The following CREB1 variants were observed in gnomAD, a reference collection of about 807,000 sequenced individuals.
The protein encoded by CREB1 is cyclic AMP-responsive element-binding protein 1.
Under a neutral mutation model 42.0 loss-of-function variants are expected in CREB1, and 2 were observed. The observed-to-expected ratio is 0.05, with a 90% CI of 0.02 to 0.15. The LOEUF (loss-of-function observed/expected upper bound fraction) is 0.15, where lower values mean the gene tolerates loss of function less well. Ranked by LOEUF, CREB1 falls within the 10% of genes least tolerant of loss-of-function variation. The probability of loss-of-function intolerance (pLI) is 1.00; values close to 1 mark genes in which losing one functional copy is unlikely to be tolerated. For synonymous variants in CREB1, 123 were observed against 139.9 expected, an observed-to-expected ratio of 0.88 and a Z score of 0.85; for missense variants, 199 against 388.9, an observed-to-expected ratio of 0.51 and a Z score of 4.11.
In CREB1 at chr2:207,600,801, C is replaced by A. The variant is rs2086914140; in HGVS notation, c.*3743C>A. ...TCTCTCAGGATAAATCCCTGTAGGA[C>A]AAATCCCTACTATCATTTCTACCTT... On this transcript the variant is annotated 3_prime_UTR_variant, in exon 8 of 8. Transcript: ENST00000353267. 1 of 209,412 alleles carries A rather than the reference C, an allele frequency of 4.8e-6. No individual in the cohort carries two copies. The highest frequency in any genetic ancestry group is 1.9e-4 in the South Asian group (1 of 5,322). 13.0% of individuals were successfully genotyped at this position (209,412 alleles called of 1,614,324 possible).
intron 1 of CREB1, among the ~76,000 whole-genome samples, chr2:207,553,599 G>A (rs1209172438): frequency 6.6e-6 from 1 of 152,156 alleles, no homozygotes; most frequent in Non-Finnish European, 1.5e-5. Flanking sequence ...ATATAAAAAA[G>A]TATCTGGTGT....
At chr2:207,585,602 G>A (rs1231415855) in intron 7 of CREB1, among the ~76,000 whole-genome samples, 3 of 152,158 alleles carry the variant, frequency 2.0e-5, no homozygotes, top group East Asian at 3.8e-4. Flanking sequence ...TCAATAAAAT[G>A]CCTGAAAAGG....
At chr2:207,537,053 T>TTTG (rs79835550) in intron 1 of CREB1, among the ~76,000 whole-genome samples, 12 of 151,526 alleles carry the variant, frequency 7.9e-5, no homozygotes, top group African/African-American at 2.2e-4. Context: ...TACAAAGTGC[T>TTTG]TTGTTGTTGT....
chr2:207,560,741 C>T (rs1258464023), intron 3 of CREB1, among the ~76,000 whole-genome samples: 1 of 152,078 alleles, frequency 6.6e-6, no homozygotes, highest in Non-Finnish European at 1.5e-5. Context: ...GAAAAATATA[C>T]CCTTGATCAA....
chr2:207,542,358 A>G (rs1288562056), intron 1 of CREB1, among the ~76,000 whole-genome samples: 1 of 152,058 alleles, frequency 6.6e-6, no homozygotes, highest in Non-Finnish European at 1.5e-5. Flanking sequence ...TTTCAATTAT[A>G]GCCATTCTAC....
chr2:207,553,132 C>A (rs906845297), intron 1 of CREB1, among the ~76,000 whole-genome samples: 88 of 131,848 alleles, frequency 6.7e-4, no homozygotes, highest in African/African-American at 1.0e-3. Flanking sequence ...GCAGTGGCAC[C>A]ATGTTGGCTC....
At position 207,603,693 on chromosome 2, in the gene CREB1, A is replaced by G. The variant is rs1003863475; in HGVS notation, c.*6635A>G. ...CTGTCAAGATGACTAATGGAGACAT[A>G]CGACCAGCTGTGTCTGATGTCATAA... On this transcript the variant is annotated 3_prime_UTR_variant, in exon 8 of 8. Transcript: ENST00000353267. 6.6e-6 allele frequency among the ~76,000 whole-genome samples: 1 copy of G among 152,204 alleles called. No individual in the cohort carries two copies. Among genetic ancestry groups the G allele is most frequent in the African/African-American group, 2.4e-5 (1 of 41,448 alleles).
Position 207,598,637 on chromosome 2 carries a change from A to G in CREB1, c.*1579A>G, listed in dbSNP as rs2086564251. 1 of 168,046 alleles carries G rather than the reference A, an allele frequency of 6.0e-6. No individual in the cohort carries two copies. Among genetic ancestry groups the G allele is most frequent in the Admixed American group, 6.4e-5 (1 of 15,618 alleles). 10.4% of individuals were successfully genotyped at this position (168,046 alleles called of 1,614,324 possible). ...CAAGGTGGGTGGATCACCTGTGGTC[A>G]AGAGTTCAAGACCAGCCTGGCCATC... On this transcript the variant is annotated 3_prime_UTR_variant, in exon 8 of 8. Coordinates refer to ENST00000353267, the MANE Select transcript of CREB1 (RefSeq NM_004379.5).
At chr2:207,580,022 C>A (rs146305430) in intron 7 of CREB1, among the ~76,000 whole-genome samples, 2 of 152,276 alleles carry the variant, frequency 1.3e-5, no homozygotes, top group Non-Finnish European at 2.9e-5. Flanking sequence ...GCTGATACTT[C>A]TTAATTCTGT....
Position 207,603,868 on chromosome 2 carries a change from T to C in CREB1, c.*6810T>C, listed in dbSNP as rs2106677682. Among the ~76,000 whole-genome samples the C allele has an allele frequency of 6.6e-6, 1 of 152,322 alleles. No individual in the cohort carries two copies. Among genetic ancestry groups the C allele is most frequent in the Non-Finnish European group, 1.5e-5 (1 of 68,024 alleles). ...CTGTAAGAATAAAAAAGTTATCTCCTATACTATTAACTTCTGAAATAAGTT... is the reference window on the plus strand; with the variant it reads ...CTGTAAGAATAAAAAAGTTATCTCCCATACTATTAACTTCTGAAATAAGTT... On this transcript the variant is annotated 3_prime_UTR_variant, in exon 8 of 8. Transcript: ENST00000353267.
intron 3 of CREB1, among the ~76,000 whole-genome samples, chr2:207,562,091 T>C (rs1051075108): frequency 6.6e-6 from 1 of 152,192 alleles, no homozygotes; most frequent in Non-Finnish European, 1.5e-5. Flanking sequence ...GACTGAGCAA[T>C]AGTCCTTTGC....
At chr2:207,552,235 C>T (rs539248987) in intron 1 of CREB1, among the ~76,000 whole-genome samples, 2 of 152,044 alleles carry the variant, frequency 1.3e-5, no homozygotes, top group Admixed American at 1.3e-4. Flanking sequence ...GTCTTTGTAA[C>T]TAAAATTTAC....
chr2:207,575,501 T>C, intron 6 of CREB1, 47 bp downstream of exon 6: 1 of 1,466,856 alleles, frequency 6.8e-7, no homozygotes, highest in South Asian at 1.4e-5. Context: ...TTCAAAATAC[T>C]AAAATTTTAT....
chr2:207,595,571 A>C (rs571921129), intron 7 of CREB1, among the ~76,000 whole-genome samples: 12 of 151,702 alleles, frequency 7.9e-5, no homozygotes, highest in African/African-American at 2.4e-4. Context: ...CACCTAACTA[A>C]TTTTTAATTG....
intron 7 of CREB1, among the ~76,000 whole-genome samples, chr2:207,593,752 C>T (rs1370885760): frequency 4.8e-5 from 7 of 146,934 alleles, no homozygotes; most frequent in Non-Finnish European, 9.0e-5. Flanking sequence ...GACGGAAACA[C>T]CTATCACCCA....
At chr2:207,535,903 C>T (rs374521624) in intron 1 of CREB1, among the ~76,000 whole-genome samples, 2 of 151,918 alleles carry the variant, frequency 1.3e-5, no homozygotes, top group Non-Finnish European at 2.9e-5. Context: ...CTCACTGCAA[C>T]CTCTGTTTCC....
chr2:207,539,360 G>A (rs559289376), intron 1 of CREB1, among the ~76,000 whole-genome samples: 2 of 151,840 alleles, frequency 1.3e-5, no homozygotes, highest in Non-Finnish European at 2.9e-5. Context: ...TACTCTTAAA[G>A]GGGAGTCATT....
intron 1 of CREB1, among the ~76,000 whole-genome samples, chr2:207,545,529 T>C (rs946818999): frequency 2.6e-5 from 4 of 151,840 alleles, no homozygotes; most frequent in African/African-American, 4.8e-5. Flanking sequence ...AAGGTTCTTA[T>C]ATGTTTTATG....
chr2:207,560,226 G>C lies in CREB1; in HGVS notation c.115G>C (p.Val39Leu). The C allele has an allele frequency of 6.2e-7, 1 of 1,605,114 alleles. No homozygotes were observed. The highest frequency in any genetic ancestry group is 8.5e-7 in the Non-Finnish European group (1 of 1,173,500). ...AQPQIATLAQVSMPAAHATSS... is the reference protein window; with the variant it reads ...AQPQIATLAQLSMPAAHATSS... The stretch of plus-strand genomic sequence containing the variant: ...TTCTTTTCTGTGTTCAACACCATAG[G>C]TATCTATGCCAGCAGCTCATGCAAC... Residue 39 changes from valine (V) to leucine (L), a missense_variant and splice_region_variant, in exon 3 of 8, where the codon GTA becomes CTA. Physicochemically the swap from Val to Leu is conservative, Grantham distance 32 (BLOSUM62 1). Transcript: ENST00000353267.
Sources: gnomAD v4.1 joint callset for allele counts (sites outside exome capture counted in the v4.1 genomes callset) on GRCh38, gnomAD v4.1.1 for gene constraint, MANE v1.5 for transcripts, NCBI Gene and HGNC (gene_info 2026-07-23, HGNC 2026-07-21) for gene names.